The following SASH1 variants were observed in gnomAD, a reference collection of about 807,000 sequenced individuals.
SASH1 encodes the protein SAM and SH3 domain containing 1.
SASH1 carries 44 observed loss-of-function variants against 125.2 expected under a neutral mutation model. The ratio of observed to expected loss-of-function variants is 0.35; its 90% CI spans 0.28 to 0.45. The LOEUF (loss-of-function observed/expected upper bound fraction) is 0.45, where lower values mean the gene tolerates loss of function less well. Ranked by LOEUF, SASH1 falls within the 20% of genes least tolerant of loss-of-function variation. The probability of loss-of-function intolerance (pLI) is 1.00; values close to 1 mark genes in which losing one functional copy is unlikely to be tolerated. For synonymous variants in SASH1, 639 were observed against 649.1 expected (o/e 0.98, Z 0.24); for missense variants, 1,426 against 1,614.5 (o/e 0.88, Z 2.00).
chr6:148,390,605 T>C (rs1783664293), intron 2 of SASH1, among the ~76,000 whole-genome samples: 1 of 151,992 alleles, frequency 6.6e-6, no homozygotes, highest in Non-Finnish European at 1.5e-5. Flanking sequence ...GCTAACACGG[T>C]GAAACCCCGT....
intron 17 of SASH1, among the ~76,000 whole-genome samples, chr6:148,542,710 A>T (rs1204541216): frequency 6.6e-6 from 1 of 152,240 alleles, no homozygotes; most frequent in East Asian, 1.9e-4. Flanking sequence ...CAGTAGTAGC[A>T]CTAGGCTGAT....
At chr6:148,375,526 A>G (rs1473140311) in intron 1 of SASH1, among the ~76,000 whole-genome samples, 2 of 152,214 alleles carry the variant, frequency 1.3e-5, no homozygotes, top group Non-Finnish European at 2.9e-5. Context: ...ATGCTTTTTC[A>G]GAGTACTTTC....
intron 7 of SASH1, among the ~76,000 whole-genome samples, chr6:148,477,587 G>A (rs558041003): frequency 3.9e-5 from 6 of 152,062 alleles, no homozygotes; most frequent in African/African-American, 1.2e-4. Flanking sequence ...ATGCAGTGGC[G>A]AGATCTCGGC....
intron 1 of SASH1, among the ~76,000 whole-genome samples, chr6:148,384,794 C>T (rs34591107): frequency 0.069 from 10,549 of 152,128 alleles, 1,283 homozygotes; most frequent in African/African-American, 0.24. Flanking sequence ...GTATACAATT[C>T]GATGAGTTTG....
chr6:148,298,882 AG>A, intron 1 of SASH1, among the ~76,000 whole-genome samples: 3 of 136,656 alleles, frequency 2.2e-5, no homozygotes, highest in Middle Eastern at 3.5e-3. Context: ...GTAAGGAGGG[AG>A]GGAGGGAGGG....
In SASH1 at chr6:148,533,686, G is replaced by T; in HGVS notation, c.1735-85G>T. 7.7e-7 allele frequency: 1 copy of T among 1,302,954 alleles called. No homozygotes were observed. The highest frequency in any genetic ancestry group is 1.1e-6 in the Non-Finnish European group (1 of 925,690). 80.7% of individuals were successfully genotyped at this position (1,302,954 alleles called of 1,614,324 possible). On this transcript the variant is annotated intron_variant, in intron 14 of 19. Transcript: ENST00000367467. This position sits in a 1 kb window ranked among gnomAD's most constrained non-coding sequence, Gnocchi z 6.2. Reference sequence around the variant, plus strand: ...TGGCCTTTGTGGCATCTTCACTTCTGCATGACCTGTGTATCTGACAGATTC... The same window carrying T: ...TGGCCTTTGTGGCATCTTCACTTCTTCATGACCTGTGTATCTGACAGATTC...
intron 16 of SASH1, among the ~76,000 whole-genome samples, chr6:148,535,929 G>A (rs1466361700): frequency 1.3e-5 from 2 of 152,154 alleles, no homozygotes; most frequent in Non-Finnish European, 1.5e-5. Flanking sequence ...CCTGAGAAAC[G>A]TGGAAGCAAG....
At chr6:148,327,052 C>T (rs915179276) in intron 1 of SASH1, among the ~76,000 whole-genome samples, 2 of 152,158 alleles carry the variant, frequency 1.3e-5, no homozygotes, top group Non-Finnish European at 2.9e-5. Context: ...TCAACCCCTT[C>T]ATGAACAATT....
intron 1 of SASH1, among the ~76,000 whole-genome samples, chr6:148,298,647 AAGGGAGGG>A (rs199849000): frequency 4.0e-4 from 37 of 92,546 alleles, no homozygotes; most frequent in African/African-American, 1.2e-3. Context: ...AGAAGGAAGG[AAGGGAGGG>A]AGGGAGGGAG....
intron 1 of SASH1, 99 bp downstream of exon 1, chr6:148,343,322 T>A: frequency 8.9e-7 from 1 of 1,129,532 alleles, no homozygotes; most frequent in East Asian, 2.7e-5. Context: ...GGCAACCCAC[T>A]CCGCAGAGGC....
At position 148,479,043 on chromosome 6, in the gene SASH1, TA is replaced by T. The variant is rs1268540099; in HGVS notation, c.627+4822del. 20 of 136,722 alleles carry T rather than the reference TA, an allele frequency of 1.5e-4. 1 individual carries two copies. Among genetic ancestry groups the T allele is most frequent in the Admixed American group, 1.5e-3 (19 of 13,008 alleles). 8.5% of individuals were successfully genotyped at this position (136,722 alleles called of 1,614,324 possible). Reference sequence around the variant, plus strand: ...CTCCTGGAGAGAGATGAGACTGCACTACTTTTTTTTTTTTTTTTTTTTTGAG... The same window carrying T: ...CTCCTGGAGAGAGATGAGACTGCACTCTTTTTTTTTTTTTTTTTTTTTGAG... On this transcript the variant is annotated intron_variant, in intron 7 of 19. Coordinates refer to ENST00000367467, the MANE Select transcript of SASH1 (RefSeq NM_015278.5).
At chr6:148,362,723 CTG>C (rs1782286330) in intron 1 of SASH1, among the ~76,000 whole-genome samples, 1 of 152,012 alleles carries the variant, frequency 6.6e-6, no homozygotes, top group Non-Finnish European at 1.5e-5. Flanking sequence ...TGGCGTGTGA[CTG>C]TAGTCCCAGC....
At chr6:148,267,987 C>T (rs539357092), upstream of SASH1, among the ~76,000 whole-genome samples, 9 of 152,280 alleles carry the variant, frequency 5.9e-5, no homozygotes, top group East Asian at 7.7e-4. Flanking sequence ...ATGAATCCCA[C>T]GAACGAAAGG....
intron 1 of SASH1, among the ~76,000 whole-genome samples, chr6:148,310,319 C>G (rs1440621958): frequency 6.6e-6 from 1 of 151,568 alleles, no homozygotes; most frequent in Non-Finnish European, 1.5e-5. Context: ...GAAACGTTGT[C>G]TCAAAACAAA....
At chr6:148,329,328 A>C (rs1780922884) in intron 1 of SASH1, among the ~76,000 whole-genome samples, 1 of 152,186 alleles carries the variant, frequency 6.6e-6, no homozygotes, top group South Asian at 2.1e-4. Flanking sequence ...ACCCATATTA[A>C]TATGTCTTTT....
chr6:148,546,440 A>T (rs1782577587), intron 19 of SASH1, among the ~76,000 whole-genome samples: 1 of 152,214 alleles, frequency 6.6e-6, no homozygotes, highest in Non-Finnish European at 1.5e-5. Flanking sequence ...AGGCAGAAGC[A>T]GGAGGATTGC....
At chr6:148,228,141 G>A in the SASH1 span, among the ~76,000 whole-genome samples, 1 of 152,130 alleles carries the variant, frequency 6.6e-6, no homozygotes, top group Admixed American at 6.6e-5. Context: ...ATGAATAATT[G>A]AAGTCGATTG....
At chr6:148,251,222 T>C in the SASH1 span, among the ~76,000 whole-genome samples, 2 of 152,296 alleles carry the variant, frequency 1.3e-5, no homozygotes, top group Admixed American at 6.5e-5. Flanking sequence ...AATGACAGGA[T>C]TCTGCCAGTT....
the SASH1 span, among the ~76,000 whole-genome samples, chr6:148,218,310 A>C: frequency 6.6e-6 from 1 of 152,230 alleles, no homozygotes; most frequent in Non-Finnish European, 1.5e-5. Flanking sequence ...CAGCTAGTAA[A>C]CACATCGCCA....
Sources: allele counts gnomAD v4.1 joint callset (sites outside exome capture counted in the v4.1 genomes callset), GRCh38; gene constraint gnomAD v4.1.1; non-coding constraint Gnocchi (gnomAD v3.1); transcripts MANE v1.5; gene names NCBI Gene and HGNC (gene_info 2026-07-23, HGNC 2026-07-21).